MEGF11: variants seen among roughly 807,000 people sequenced by gnomAD.
MEGF11 encodes the protein multiple epidermal growth factor-like domains protein 11.
In MEGF11, 126 loss-of-function variants were observed where a neutral mutation model predicts 146.6. The observed-to-expected ratio is 0.86, with a 90% confidence interval of 0.74 to 1.00. The LOEUF (loss-of-function observed/expected upper bound fraction) is 1.00, where lower values mean the gene tolerates loss of function less well. Among genes scored for constraint, MEGF11 ranks in the 50% least tolerant of loss-of-function variants. The pLI is 0.00. For synonymous variants in MEGF11, 532 were observed against 583.4 expected (o/e 0.91, Z 1.27); for missense variants, 1,509 against 1,521.2 (o/e 0.99, Z 0.13).
chr15:66,002,212 C>T (rs1047753429), intron 5 of MEGF11, among the ~76,000 whole-genome samples: 4 of 152,112 alleles, frequency 2.6e-5, no homozygotes, highest in African/African-American at 4.8e-5. Context: ...CTGCAGAGCT[C>T]GCAGAGGATT....
chr15:66,147,060 G>T (rs749757999), intron 1 of MEGF11, among the ~76,000 whole-genome samples: 7 of 152,120 alleles, frequency 4.6e-5, no homozygotes, highest in African/African-American at 1.4e-4. Context: ...AATTGTAGCC[G>T]CTAGGTCCCT....
intron 1 of MEGF11, among the ~76,000 whole-genome samples, chr15:66,189,296 G>A (rs922114451): frequency 6.6e-6 from 1 of 152,168 alleles, no homozygotes; most frequent in African/African-American, 2.4e-5. Flanking sequence ...TGCTGGGGTG[G>A]GGTGGAGGCT....
chr15:66,163,993 G>A (rs913982385), intron 1 of MEGF11, among the ~76,000 whole-genome samples: 3 of 152,132 alleles, frequency 2.0e-5, no homozygotes, highest in Non-Finnish European at 2.9e-5. Flanking sequence ...CACCCAAGCC[G>A]CCAAACCTCC....
At chr15:65,917,743 C>G (rs1260096309) in intron 16 of MEGF11, among the ~76,000 whole-genome samples, 1 of 152,234 alleles carries the variant, frequency 6.6e-6, no homozygotes, top group Non-Finnish European at 1.5e-5. Context: ...ATTAATGGTA[C>G]TATCAACAAT....
intron 5 of MEGF11, among the ~76,000 whole-genome samples, chr15:66,074,376 G>C (rs1016055474): frequency 5.9e-5 from 9 of 152,176 alleles, no homozygotes; most frequent in African/African-American, 2.2e-4. Flanking sequence ...AACTGCTGTG[G>C]AGACTCCATT....
At chr15:66,191,439 G>C (rs1213504971) in intron 1 of MEGF11, among the ~76,000 whole-genome samples, 3 of 152,238 alleles carry the variant, frequency 2.0e-5, no homozygotes, top group Non-Finnish European at 4.4e-5. Flanking sequence ...GGATGCCTCT[G>C]GGGGAAGAAA....
intron 1 of MEGF11, among the ~76,000 whole-genome samples, chr15:66,197,658 G>A (rs1384640024): frequency 5.9e-5 from 9 of 152,002 alleles, no homozygotes; most frequent in Non-Finnish European, 1.3e-4. Context: ...TCCTGACCTC[G>A]TGATCCGCCC....
At chr15:66,030,207 T>A (rs2083467658) in intron 5 of MEGF11, among the ~76,000 whole-genome samples, 1 of 152,184 alleles carries the variant, frequency 6.6e-6, no homozygotes, top group Non-Finnish European at 1.5e-5. Context: ...ACCTGCCGCA[T>A]GCAAAATGGC....
At chr15:65,992,012 T>C (rs1275309214) in intron 5 of MEGF11, among the ~76,000 whole-genome samples, 12 of 152,216 alleles carry the variant, frequency 7.9e-5, no homozygotes, top group Admixed American at 7.9e-4. Context: ...GCAAGCTGTC[T>C]GCTAAAACTG....
At chr15:66,177,234 T>A (rs1346498328) in intron 1 of MEGF11, among the ~76,000 whole-genome samples, 1 of 152,188 alleles carries the variant, frequency 6.6e-6, no homozygotes, top group African/African-American at 2.4e-5. Context: ...TTTGCTCTGA[T>A]AGCGTAGATG....
intron 5 of MEGF11, among the ~76,000 whole-genome samples, chr15:66,079,120 G>T (rs2085722837): frequency 6.6e-6 from 1 of 152,150 alleles, no homozygotes. Flanking sequence ...TGAGACTCTG[G>T]GAGACTGCCC....
chr15:66,157,183 C>T (rs2089790838), intron 1 of MEGF11, among the ~76,000 whole-genome samples: 1 of 152,182 alleles, frequency 6.6e-6, no homozygotes, highest in South Asian at 2.1e-4. Context: ...GACAACCCCA[C>T]ACGGACAACA....
At chr15:66,209,356 A>C (rs1411372596) in intron 1 of MEGF11, among the ~76,000 whole-genome samples, 1 of 152,164 alleles carries the variant, frequency 6.6e-6, no homozygotes, top group Non-Finnish European at 1.5e-5. Flanking sequence ...TCTTAAAAAA[A>C]AAAAACAAAA....
intron 5 of MEGF11, among the ~76,000 whole-genome samples, chr15:66,061,641 CTTT>C (rs68146356): frequency 7.0e-6 from 1 of 143,306 alleles, no homozygotes; most frequent in Admixed American, 6.9e-5. Flanking sequence ...TTTTTTGAGC[CTTT>C]TTTTTTTTTG....
At chr15:66,187,517 G>A (rs138779578) in intron 1 of MEGF11, among the ~76,000 whole-genome samples, 3 of 152,344 alleles carry the variant, frequency 2.0e-5, no homozygotes, top group East Asian at 1.9e-4. Flanking sequence ...CACCAGGAGA[G>A]AGGCTGCCCC....
chr15:66,247,037 T>G (rs901182629), intron 1 of MEGF11, among the ~76,000 whole-genome samples: 1 of 152,110 alleles, frequency 6.6e-6, no homozygotes, highest in South Asian at 2.1e-4. Context: ...AATGGTCCCA[T>G]TTTACCACTG....
At chr15:66,173,177 C>T (rs1372547259) in intron 1 of MEGF11, among the ~76,000 whole-genome samples, 1 of 152,170 alleles carries the variant, frequency 6.6e-6, no homozygotes, top group Non-Finnish European at 1.5e-5. Flanking sequence ...GGCAACAGTG[C>T]ACCTATTGAA....
chr15:66,215,251 T>C (rs1474941570), intron 1 of MEGF11, among the ~76,000 whole-genome samples: 3 of 152,076 alleles, frequency 2.0e-5, no homozygotes, highest in Non-Finnish European at 2.9e-5. Flanking sequence ...CATTGGTCTC[T>C]TAGACCTGAG....
At chr15:66,178,029 G>A (rs1256149333) in intron 1 of MEGF11, among the ~76,000 whole-genome samples, 3 of 151,376 alleles carry the variant, frequency 2.0e-5, no homozygotes, top group South Asian at 4.2e-4. Flanking sequence ...TATTGCCCAG[G>A]CTAGAGTGCA....
Sources: allele counts gnomAD v4.1 joint callset (sites outside exome capture counted in the v4.1 genomes callset), GRCh38; gene constraint gnomAD v4.1.1; transcripts MANE v1.5; gene names NCBI Gene and HGNC (gene_info 2026-07-23, HGNC 2026-07-21).